Variants in CCDC144A observed in about 807,000 individuals in gnomAD.
The protein encoded by CCDC144A is coiled-coil domain-containing protein 144A.
In CCDC144A, 41 loss-of-function variants were observed where a neutral mutation model predicts 143.8. The ratio of observed to expected loss-of-function variants is 0.29; its 90% CI spans 0.22 to 0.37. CCDC144A has a LOEUF of 0.37. CCDC144A is among the 10% of genes least tolerant of loss of function. The probability of loss-of-function intolerance (pLI) is 1.00; values close to 1 mark genes in which losing one functional copy is unlikely to be tolerated. For missense variants in CCDC144A, 637 were observed against 1,488.8 expected (o/e 0.43, Z 9.41); for synonymous variants, 242 against 517.9 (o/e 0.47, Z 7.23).
At chr17:16,703,366 A>G (rs1189378541) in intron 2 of CCDC144A, among the ~76,000 whole-genome samples, 26 of 152,038 alleles carry the variant, frequency 1.7e-4, no homozygotes, top group Admixed American at 1.7e-3. Context: ...TTTCTATCAA[A>G]TGACTGGATC....
chr17:16,709,006 G>C lies in CCDC144A; in HGVS notation c.949G>C (p.Glu317Gln). Reference sequence around the variant, plus strand: ...ATACAAAATTCCGGCTTGTCCTGAGGAAGAGCCACTACTTGATAACTCTAC... The same window carrying C: ...ATACAAAATTCCGGCTTGTCCTGAGCAAGAGCCACTACTTGATAACTCTAC... ...EKYKIPACPE[E>Q]EPLLDNSTRG... Residue 317 changes from glutamate (E) to glutamine (Q), a missense_variant, in exon 5 of 17, where the codon GAA becomes CAA. Transcript: ENST00000399273. 1 of 1,611,600 alleles carries C rather than the reference G, an allele frequency of 6.2e-7. No homozygotes were observed. Among genetic ancestry groups the C allele is most frequent in the African/African-American group, 1.3e-5 (1 of 74,942 alleles).
chr17:16,746,783 C>T lies in CCDC144A; in HGVS notation c.3372+11140C>T, dbSNP rs572504984. 6.4e-6 allele frequency: 10 copies of T among 1,563,480 alleles called. No homozygotes were observed. The Admixed American group carries it at 1.6e-4, about 25-fold the overall frequency. ...CACCTGCGGGGAGCGCGCGGCCGTTCCCACCGGGGCGGAGCGTGGACAAGG... is the reference window on the plus strand; with the variant it reads ...CACCTGCGGGGAGCGCGCGGCCGTTTCCACCGGGGCGGAGCGTGGACAAGG... On this transcript the variant is annotated intron_variant, in intron 12 of 16. Coordinates refer to ENST00000399273, the MANE Select transcript of CCDC144A (RefSeq NM_001382000.1).
chr17:16,765,834 C>T (rs959034024), intron 15 of CCDC144A: 1 of 152,180 alleles, frequency 6.6e-6, no homozygotes, highest in Non-Finnish European at 1.5e-5. Context: ...GAAATTGTAC[C>T]ACTGGGTACT....
In CCDC144A at chr17:16,709,312, A is replaced by C; in HGVS notation, c.1255A>C (p.Lys419Gln). The C allele has an allele frequency of 1.2e-6, 2 of 1,611,624 alleles. No homozygotes were observed. Among genetic ancestry groups the C allele is most frequent in the Non-Finnish European group, 1.7e-6 (2 of 1,179,574 alleles). The change falls in exon 5 of 17, where the codon AAG (lysine) becomes CAG (glutamine). Residue 419 changes from lysine (K) to glutamine (Q), a missense_variant. Physicochemically the swap from Lys to Gln is moderately conservative, Grantham distance 53. Transcript: ENST00000399273. The stretch of plus-strand genomic sequence containing the variant: ...CATTGGACATATTTTTAGTACAGAT[A>C]AGAACTTTCATAATGATGCAAGCAC... Reference protein sequence around the residue: ...PGIGHIFSTDKNFHNDASTKK... With the variant: ...PGIGHIFSTDQNFHNDASTKK...
At chr17:16,734,141 GA>G (rs11335262) in intron 11 of CCDC144A, among the ~76,000 whole-genome samples, 32,419 of 90,042 alleles carry the variant, frequency 0.36, 3,888 homozygotes, top group African/African-American at 0.49. Flanking sequence ...ACCCTATCTC[GA>G]AAAAAAAAAA....
chr17:16,683,509 G>C, the CCDC144A span: 1 of 1,515,116 alleles, frequency 6.6e-7, no homozygotes, highest in Non-Finnish European at 9.2e-7. Flanking sequence ...CGCGGGTTCG[G>C]GATGTTCTAT....
At chr17:16,718,815 C>T (rs1375849239) in intron 6 of CCDC144A, among the ~76,000 whole-genome samples, 1 of 130,068 alleles carries the variant, frequency 7.7e-6, no homozygotes, top group Non-Finnish European at 1.6e-5. Context: ...CAGATTATTA[C>T]TTCTGGATTA....
intron 12 of CCDC144A, among the ~76,000 whole-genome samples, chr17:16,738,560 T>C (rs577676168): frequency 5.9e-4 from 89 of 151,994 alleles, no homozygotes; most frequent in African/African-American, 2.1e-3. Context: ...CTTTTGTGAC[T>C]GGCTTCTTCT....
At chr17:16,759,734 A>G (rs1401602695) in intron 12 of CCDC144A, among the ~76,000 whole-genome samples, 3 of 152,204 alleles carry the variant, frequency 2.0e-5, no homozygotes, top group Non-Finnish European at 4.4e-5. Context: ...TCCTGGTCCA[A>G]TGGTAATCCT....
At chr17:16,750,930 A>G (rs1914760891) in intron 12 of CCDC144A, among the ~76,000 whole-genome samples, 1 of 152,158 alleles carries the variant, frequency 6.6e-6, no homozygotes, top group Non-Finnish European at 1.5e-5. Context: ...TTGGATGGTT[A>G]TACTGGCTTC....
At chr17:16,703,664 C>T (rs966419649) in intron 2 of CCDC144A, among the ~76,000 whole-genome samples, 1 of 151,918 alleles carries the variant, frequency 6.6e-6, no homozygotes, top group Non-Finnish European at 1.5e-5. Flanking sequence ...ATTAGCCGGG[C>T]GTGGTGGAGG....
chr17:16,766,937 TTGTGGG>T (rs1349841090), intron 15 of CCDC144A: 11 of 152,268 alleles, frequency 7.2e-5, no homozygotes, highest in Non-Finnish European at 1.6e-4. Flanking sequence ...CCTAGTTTCC[TTGTGGG>T]GCATTTTTTG....
chr17:16,746,048 G>A (rs1671660648), intron 12 of CCDC144A: 1 of 1,610,688 alleles, frequency 6.2e-7, no homozygotes, highest in Non-Finnish European at 8.5e-7. Context: ...CACTGCCGCT[G>A]TGTGACGTCT....
Position 16,735,424 on chromosome 17 carries a change from G to C in CCDC144A, c.3153G>C (p.Leu1051Phe). Residue 1051 changes from leucine to phenylalanine, a missense_variant, in exon 12 of 17, where the codon TTG becomes TTC. Leu to Phe is a conservative substitution (Grantham distance 22). Coordinates refer to ENST00000399273, the MANE Select transcript of CCDC144A (RefSeq NM_001382000.1). ...CTCAACTACAAAGTGAAAATATGTT[G>C]CTTCGACAGCAACTGGATGATGCTC... ...RLSQLQSENM[L>F]LRQQLDDAHK... 1 of 1,613,354 alleles carries C rather than the reference G, an allele frequency of 6.2e-7. No homozygotes were observed. The highest frequency in any genetic ancestry group is 2.2e-5 in the East Asian group (1 of 44,864).
chr17:16,712,725 T>C (rs1254100427), intron 6 of CCDC144A, among the ~76,000 whole-genome samples: 2 of 152,166 alleles, frequency 1.3e-5, no homozygotes, highest in Non-Finnish European at 2.9e-5. Flanking sequence ...AATAAGGAAA[T>C]AGTACAATTG....
intron 12 of CCDC144A, among the ~76,000 whole-genome samples, chr17:16,750,691 T>C (rs1407110725): frequency 6.6e-6 from 1 of 151,926 alleles, no homozygotes; most frequent in African/African-American, 2.4e-5. Context: ...AGTCATAGAT[T>C]AGTGTCTTTA....
rs1431243214 is a variant in CCDC144A, at chr17:16,693,064, A to G, written c.415+15A>G. The G allele has an allele frequency of 1.9e-6, 3 of 1,562,248 alleles. No homozygotes were observed. The highest frequency in any genetic ancestry group is 2.3e-5 in the East Asian group (1 of 44,096). ...TAACAATCCAGGTAAGACTTCTGATAGTGAATTATTTTTGGTGGTCCTACC... is the reference window on the plus strand; with the variant it reads ...TAACAATCCAGGTAAGACTTCTGATGGTGAATTATTTTTGGTGGTCCTACC... On this transcript the variant is annotated intron_variant, in intron 2 of 16. Coordinates refer to ENST00000399273, the MANE Select transcript of CCDC144A (RefSeq NM_001382000.1).
At chr17:16,681,580 G>C in the CCDC144A span, among the ~76,000 whole-genome samples, 1 of 152,056 alleles carries the variant, frequency 6.6e-6, no homozygotes, top group Non-Finnish European at 1.5e-5. Context: ...AGCGTTGGCC[G>C]GGCATGGTGG....
At chr17:16,730,360 A>G (rs1913681969) in intron 9 of CCDC144A, among the ~76,000 whole-genome samples, 1 of 97,960 alleles carries the variant, frequency 1.0e-5, no homozygotes, top group South Asian at 4.1e-4. Context: ...GTACTTTTAT[A>G]CAAGTACCAT....
Sources: gnomAD v4.1 joint callset for allele counts (sites outside exome capture counted in the v4.1 genomes callset) on GRCh38, gnomAD v4.1.1 for gene constraint, MANE v1.5 for transcripts, NCBI Gene and HGNC (gene_info 2026-07-23, HGNC 2026-07-21) for gene names.